The following KCNIP1 variants were observed in gnomAD, a reference collection of about 807,000 sequenced individuals.
The protein encoded by KCNIP1 is A-type potassium channel modulatory protein KCNIP1.
KCNIP1 carries 18 observed loss-of-function variants against 33.0 expected under a neutral mutation model. That is an observed-to-expected ratio of 0.55 (90% CI 0.38 to 0.81). The LOEUF (loss-of-function observed/expected upper bound fraction) is 0.81, where lower values mean the gene tolerates loss of function less well. KCNIP1 is among the 30% of genes least tolerant of loss of function. The probability of loss-of-function intolerance (pLI) is 0.00; values close to 1 mark genes in which losing one functional copy is unlikely to be tolerated. For missense variants in KCNIP1, 238 were observed against 271.6 expected (o/e 0.88, Z 0.87); for synonymous variants, 93 against 98.3 (o/e 0.95, Z 0.32).
At chr5:170,432,036 C>CTT (rs528593013) in intron 1 of KCNIP1, among the ~76,000 whole-genome samples, 2,762 of 145,488 alleles carry the variant, frequency 0.019, 74 homozygotes, top group South Asian at 0.06. Flanking sequence ...CTCTCTTTCT[C>CTT]TTTTTTTTTT....
chr5:170,396,537 A>G (rs314117), intron 1 of KCNIP1, among the ~76,000 whole-genome samples: 32,544 of 152,180 alleles, frequency 0.21, 3,566 homozygotes, highest in East Asian at 0.31. Flanking sequence ...ATGAATACAC[A>G]TAAGATTTAC....
intron 1 of KCNIP1, among the ~76,000 whole-genome samples, chr5:170,407,819 T>C (rs1172297650): frequency 6.6e-6 from 1 of 152,156 alleles, no homozygotes; most frequent in Admixed American, 6.5e-5. Flanking sequence ...CATAGCGGAT[T>C]TATGGGTGTA....
chr5:170,408,664 T>C (rs1213103887), intron 1 of KCNIP1, among the ~76,000 whole-genome samples: 1 of 152,208 alleles, frequency 6.6e-6, no homozygotes, highest in Non-Finnish European at 1.5e-5. Flanking sequence ...AAGGTGGTGG[T>C]TTGGGGTATT....
At chr5:170,390,866 G>A (rs543659094) in intron 1 of KCNIP1, among the ~76,000 whole-genome samples, 1 of 152,232 alleles carries the variant, frequency 6.6e-6, no homozygotes, top group Admixed American at 6.5e-5. Context: ...GGAGGTGGGT[G>A]CAGCCTGGCC....
At chr5:170,490,852 T>C (rs1254482438) in intron 1 of KCNIP1, among the ~76,000 whole-genome samples, 1 of 152,198 alleles carries the variant, frequency 6.6e-6, no homozygotes, top group Non-Finnish European at 1.5e-5. Flanking sequence ...CAGCCCACTC[T>C]GTGAGGCTGT....
intron 1 of KCNIP1, among the ~76,000 whole-genome samples, chr5:170,438,600 C>A (rs925636392): frequency 5.3e-5 from 8 of 152,206 alleles, no homozygotes; most frequent in African/African-American, 1.9e-4. Context: ...AGGCCCCAAG[C>A]CACTCGCCCA....
intron 1 of KCNIP1, among the ~76,000 whole-genome samples, chr5:170,555,567 C>T (rs1006773907): frequency 3.3e-5 from 5 of 152,234 alleles, no homozygotes; most frequent in African/African-American, 1.2e-4. Context: ...TCCTACTTTA[C>T]AGCATTGTGG....
chr5:170,359,842 G>A (rs957551318), intron 1 of KCNIP1, among the ~76,000 whole-genome samples: 3 of 152,160 alleles, frequency 2.0e-5, no homozygotes, highest in African/African-American at 7.2e-5. Context: ...CACAGTAGAA[G>A]GCAGAGAAGA....
intron 1 of KCNIP1, among the ~76,000 whole-genome samples, chr5:170,417,196 A>G (rs1397419035): frequency 6.6e-6 from 1 of 152,226 alleles, no homozygotes; most frequent in Non-Finnish European, 1.5e-5. Flanking sequence ...TCTAAATCAT[A>G]TATTTTAACA....
At chr5:170,585,285 AG>A (rs746081803) in intron 1 of KCNIP1, among the ~76,000 whole-genome samples, 3 of 152,082 alleles carry the variant, frequency 2.0e-5, no homozygotes, top group Non-Finnish European at 4.4e-5. Context: ...CATTTTTCAG[AG>A]GGGGGGATCT....
rs111583597 is a variant in KCNIP1, at chr5:170,683,005, C to T, written c.62-35753C>T. Among the ~76,000 whole-genome samples the T allele has an allele frequency of 3.8e-3, 578 of 152,120 alleles. 3 individuals carry two copies. Among genetic ancestry groups the T allele is most frequent in the African/African-American group, 0.013 (532 of 41,500 alleles). On this transcript the variant is annotated intron_variant, in intron 1 of 7. Coordinates refer to ENST00000328939, the MANE Select transcript of KCNIP1 (RefSeq NM_014592.4). Reference sequence around the variant, plus strand: ...CTCTTCCTTTCCATATCATAAGTATCCATCTTCCTTCCCCTGCTTTAACTT... The same window carrying T: ...CTCTTCCTTTCCATATCATAAGTATTCATCTTCCTTCCCCTGCTTTAACTT...
At chr5:170,457,379 G>T (rs533032712) in intron 1 of KCNIP1, among the ~76,000 whole-genome samples, 109 of 152,356 alleles carry the variant, frequency 7.2e-4, no homozygotes, top group African/African-American at 2.6e-3. Flanking sequence ...CATAACGACT[G>T]CAGGAATAAA....
intron 1 of KCNIP1, among the ~76,000 whole-genome samples, chr5:170,386,336 G>A (rs78838035): frequency 0.056 from 8,469 of 152,220 alleles, 307 homozygotes; most frequent in Middle Eastern, 0.095. Context: ...AGAAGCTGGC[G>A]GGGGCAAGGA....
intron 1 of KCNIP1, among the ~76,000 whole-genome samples, chr5:170,464,837 G>A (rs532070532): frequency 1.3e-4 from 20 of 152,228 alleles, no homozygotes; most frequent in Non-Finnish European, 2.4e-4. Context: ...CTCATCCAGC[G>A]ACCAGACAGG....
chr5:170,452,342 C>A (rs1756275123), intron 1 of KCNIP1, among the ~76,000 whole-genome samples: 1 of 152,186 alleles, frequency 6.6e-6, no homozygotes, highest in African/African-American at 2.4e-5. Context: ...TTCTCCTTAG[C>A]AACCGGAAAG....
At chr5:170,681,198 C>T in intron 1 of KCNIP1, 1 of 399,124 alleles carries the variant, frequency 2.5e-6, no homozygotes, top group Middle Eastern at 6.3e-4. Flanking sequence ...CCTGGAGCTT[C>T]CCCGTTTTCT....
At chr5:170,439,373 T>C (rs115608420) in intron 1 of KCNIP1, among the ~76,000 whole-genome samples, 1,761 of 152,124 alleles carry the variant, frequency 0.012, 36 homozygotes, top group African/African-American at 0.04. Context: ...CAGGCACAAG[T>C]GAGGAACAAG....
intron 1 of KCNIP1, among the ~76,000 whole-genome samples, chr5:170,537,872 G>A (rs893313305): frequency 6.6e-6 from 1 of 152,128 alleles, no homozygotes; most frequent in Admixed American, 6.5e-5. Context: ...TTTGTTACAC[G>A]GCCTTCCAAT....
At chr5:170,637,737 T>TG (rs887738448) in intron 1 of KCNIP1, among the ~76,000 whole-genome samples, 4 of 152,244 alleles carry the variant, frequency 2.6e-5, no homozygotes, top group African/African-American at 9.6e-5. Flanking sequence ...CTGCTCCTCC[T>TG]GTTCGCGCTA....
Sources: allele counts gnomAD v4.1 joint callset (sites outside exome capture counted in the v4.1 genomes callset), GRCh38; gene constraint gnomAD v4.1.1; transcripts MANE v1.5; gene names NCBI Gene and HGNC (gene_info 2026-07-23, HGNC 2026-07-21).